OLFM3: variants seen among roughly 807,000 people sequenced by gnomAD.
OLFM3 encodes noelin-3.
Under a neutral mutation model 48.6 loss-of-function variants are expected in OLFM3, and 20 were observed. That is an observed-to-expected ratio of 0.41 (90% CI 0.29 to 0.60). The LOEUF is 0.60. Among genes scored for constraint, OLFM3 ranks in the 20% least tolerant of loss-of-function variants. The probability of loss-of-function intolerance (pLI) is 0.28; values close to 1 mark genes in which losing one functional copy is unlikely to be tolerated. For missense variants in OLFM3, 437 were observed against 544.3 expected, an observed-to-expected ratio of 0.80 and a Z score of 1.96; for synonymous variants, 222 against 198.1, an observed-to-expected ratio of 1.12 and a Z score of -1.01.
At chr1:101,972,291 C>T (rs115995648) in intron 1 of OLFM3, among the ~76,000 whole-genome samples, 1 of 152,132 alleles carries the variant, frequency 6.6e-6, no homozygotes, top group Non-Finnish European at 1.5e-5. Context: ...GAAATTATCC[C>T]TTTGTGAATA....
chr1:101,949,440 T>G (rs1409240608), intron 1 of OLFM3, among the ~76,000 whole-genome samples: 1 of 152,156 alleles, frequency 6.6e-6, no homozygotes, highest in Non-Finnish European at 1.5e-5. Flanking sequence ...TCACGGTAGG[T>G]CAGCAAATGA....
At chr1:101,940,488 A>G (rs1329796615) in intron 1 of OLFM3, among the ~76,000 whole-genome samples, 1 of 151,274 alleles carries the variant, frequency 6.6e-6, no homozygotes, top group Non-Finnish European at 1.5e-5. Context: ...TCTATTATCT[A>G]TCTTTCAATC....
chr1:101,879,239 TC>T lies in OLFM3; in HGVS notation c.70-42215del, dbSNP rs199590407. 1.4e-4 allele frequency among the ~76,000 whole-genome samples: 21 copies of T among 151,952 alleles called. No homozygotes were observed. In the South Asian group the frequency reaches 2.7e-3, roughly 19 times the overall value. Reference sequence around the variant, plus strand: ...GATTTTACTAAACACTACATTTTTTTCTTTTGATGTCTGTATGGCATTATTT... The same window carrying T: ...GATTTTACTAAACACTACATTTTTTTTTTTGATGTCTGTATGGCATTATTT... On this transcript the variant is annotated intron_variant, in intron 1 of 5. Coordinates refer to ENST00000370103, the MANE Select transcript of OLFM3 (RefSeq NM_058170.4).
At chr1:101,887,929 G>C (rs1000565709) in intron 1 of OLFM3, among the ~76,000 whole-genome samples, 3 of 151,870 alleles carry the variant, frequency 2.0e-5, no homozygotes, top group African/African-American at 4.8e-5. Flanking sequence ...AAATAAAAAA[G>C]CATATATTCA....
chr1:101,870,841 A>G (rs1175929865), intron 1 of OLFM3, among the ~76,000 whole-genome samples: 1 of 152,078 alleles, frequency 6.6e-6, no homozygotes, highest in Non-Finnish European at 1.5e-5. Flanking sequence ...GAATGAGTGC[A>G]AGAATGTATA....
intron 1 of OLFM3, among the ~76,000 whole-genome samples, chr1:101,993,138 G>C (rs191905750): frequency 6.6e-6 from 1 of 152,178 alleles, no homozygotes; most frequent in East Asian, 1.9e-4. Context: ...CTTTTTAACT[G>C]TTCCCCAAAT....
chr1:101,918,685 T>C (rs1659002758), intron 1 of OLFM3, among the ~76,000 whole-genome samples: 1 of 152,092 alleles, frequency 6.6e-6, no homozygotes, highest in African/African-American at 2.4e-5. Context: ...TTTTTGTCCA[T>C]GTAAAATAAC....
intron 1 of OLFM3, chr1:101,846,791 G>T: frequency 7.5e-7 from 1 of 1,327,162 alleles, no homozygotes; most frequent in Non-Finnish European, 1.1e-6. Context: ...ACAAAACAAA[G>T]CCCACTAAAT....
chr1:101,806,190 T>C lies in OLFM3; in HGVS notation c.593-8A>G, dbSNP rs1217902192. ...TCATCAGTTTGCCACATGCTGAAATTAGAGAAACACAAACGTGTTAGGTGA... is the reference window on the plus strand; with the variant it reads ...TCATCAGTTTGCCACATGCTGAAATCAGAGAAACACAAACGTGTTAGGTGA... On this transcript the variant is annotated splice_region_variant and splice_polypyrimidine_tract_variant and intron_variant, in intron 4 of 5. Coordinates refer to ENST00000370103, the MANE Select transcript of OLFM3 (RefSeq NM_058170.4). 6.2e-7 allele frequency: 1 copy of C among 1,607,812 alleles called. No individual in the cohort carries two copies. The highest frequency in any genetic ancestry group is 1.7e-5 in the Admixed American group (1 of 59,766).
At chr1:101,837,048 T>A in intron 1 of OLFM3, 23 bp from the exon 2 acceptor site, 1 of 1,605,432 alleles carries the variant, frequency 6.2e-7, no homozygotes, top group East Asian at 2.2e-5. Context: ...AAGGGAAACA[T>A]AAAACACAGA....
intron 1 of OLFM3, among the ~76,000 whole-genome samples, chr1:101,897,373 A>G (rs529257893): frequency 6.6e-6 from 1 of 152,326 alleles, no homozygotes; most frequent in Non-Finnish European, 1.5e-5. Flanking sequence ...TCTAGTATGT[A>G]TACAATGAGC....
chr1:101,865,192 G>A (rs1276839663), intron 1 of OLFM3, among the ~76,000 whole-genome samples: 1 of 151,424 alleles, frequency 6.6e-6, no homozygotes, highest in Non-Finnish European at 1.5e-5. Context: ...CCAGTTTTGA[G>A]CATTATGGAG....
intron 1 of OLFM3, among the ~76,000 whole-genome samples, chr1:101,931,683 C>T (rs546792648): frequency 2.0e-5 from 3 of 152,294 alleles, no homozygotes; most frequent in South Asian, 2.1e-4. Context: ...TAGAAGGCTC[C>T]TCATGCTTTC....
At chr1:101,956,621 T>A (rs541282555) in intron 1 of OLFM3, among the ~76,000 whole-genome samples, 1 of 151,924 alleles carries the variant, frequency 6.6e-6, no homozygotes, top group Non-Finnish European at 1.5e-5. Context: ...CTTTAAAAAT[T>A]TTGAGTCTGT....
chr1:101,845,604 A>AT (rs759457395), intron 1 of OLFM3, among the ~76,000 whole-genome samples: 1 of 152,164 alleles, frequency 6.6e-6, no homozygotes, highest in Non-Finnish European at 1.5e-5. Flanking sequence ...ATGTTTTGTA[A>AT]TTGTTTATTG....
At chr1:101,938,439 A>G (rs1659689442) in intron 1 of OLFM3, among the ~76,000 whole-genome samples, 1 of 152,192 alleles carries the variant, frequency 6.6e-6, no homozygotes, top group African/African-American at 2.4e-5. Flanking sequence ...GACCATGAAC[A>G]CATTCTCCAC....
intron 1 of OLFM3, among the ~76,000 whole-genome samples, chr1:101,938,221 G>T (rs992845898): frequency 6.6e-6 from 1 of 152,024 alleles, no homozygotes; most frequent in African/African-American, 2.4e-5. Context: ...GCCCACTATT[G>T]TGCTTTCTAT....
chr1:101,874,655 A>G (rs1657225650), intron 1 of OLFM3, among the ~76,000 whole-genome samples: 1 of 151,918 alleles, frequency 6.6e-6, no homozygotes, highest in East Asian at 1.9e-4. Flanking sequence ...TTAAGTAAGG[A>G]GTTTGAGGCT....
chr1:101,924,604 T>A lies in OLFM3; in HGVS notation c.69+72144A>T, dbSNP rs1363091551. Among the ~76,000 whole-genome samples the A allele has an allele frequency of 2.6e-5, 4 of 152,192 alleles. 1 individual carries two copies. Among genetic ancestry groups the A allele is most frequent in the Non-Finnish European group, 5.9e-5 (4 of 68,020 alleles). ...AATTCTCATTTGTCTTTCTGACAAT[T>A]CTATGCAACACTGTCATTCCCAATA... On this transcript the variant is annotated intron_variant, in intron 1 of 5. Coordinates refer to ENST00000370103, the MANE Select transcript of OLFM3 (RefSeq NM_058170.4).
Sources: gnomAD v4.1 joint callset for allele counts (sites outside exome capture counted in the v4.1 genomes callset) on GRCh38, gnomAD v4.1.1 for gene constraint, MANE v1.5 for transcripts, NCBI Gene and HGNC (gene_info 2026-07-23, HGNC 2026-07-21) for gene names.